Variants in ZNF462 observed in about 807,000 individuals in gnomAD.
ZNF462 encodes the protein zinc finger PBX1-interacting protein.
In ZNF462, 10 loss-of-function variants were observed where a neutral mutation model predicts 201.9. The ratio of observed to expected loss-of-function variants is 0.05; its 90% CI spans 0.03 to 0.08. The LOEUF is 0.08. Among genes scored for constraint, ZNF462 ranks in the 10% least tolerant of loss-of-function variants. The probability of loss-of-function intolerance (pLI) is 1.00; values close to 1 mark genes in which losing one functional copy is unlikely to be tolerated. For synonymous variants in ZNF462, 1,227 were observed against 1,193.3 expected (o/e 1.03, Z -0.58); for missense variants, 2,523 against 3,168.3 (o/e 0.80, Z 4.89).
At position 106,929,157 on chromosome 9, in the gene ZNF462, C is replaced by G. The variant is rs929720384; in HGVS notation, c.5245C>G (p.Pro1749Ala). The G allele has an allele frequency of 6.2e-7, 1 of 1,614,112 alleles. No homozygotes were observed. The highest frequency in any genetic ancestry group is 1.3e-5 in the African/African-American group (1 of 75,018). The change falls in exon 3 of 13, where the codon CCC (proline) becomes GCC (alanine). Residue 1749 changes from proline (P) to alanine (A), a missense_variant. Transcript: ENST00000277225. The surrounding 1 kb of genome is among the most constrained non-coding windows in gnomAD (Gnocchi z 8.7). ...CAACAAAGTGATCATCCCATCCCCGCCCAAGGACGACTCCCCTCAGCTGAG... is the reference window on the plus strand; with the variant it reads ...CAACAAAGTGATCATCCCATCCCCGGCCAAGGACGACTCCCCTCAGCTGAG... ...KPNKVIIPSP[P>A]KDDSPQLSEE...
chr9:106,878,167 CTGGGTCAAGCTCATAA>C (rs1827920828), intron 1 of ZNF462, among the ~76,000 whole-genome samples: 2 of 152,178 alleles, frequency 1.3e-5, no homozygotes, highest in Admixed American at 6.5e-5. Context: ...CTTTGTGAAC[CTGGGTCAAGCTCATAA>C]TGCTCCTCTG....
Position 106,934,817 on chromosome 9 carries a change from C to T in ZNF462, c.6117-686C>T, listed in dbSNP as rs552277683. Reference sequence around the variant, plus strand: ...TAATTATTATGAAGTACTAGGGGTTCGTTGTAATTAAATAACTCCCTTGTA... The same window carrying T: ...TAATTATTATGAAGTACTAGGGGTTTGTTGTAATTAAATAACTCCCTTGTA... On this transcript the variant is annotated intron_variant, in intron 5 of 12. Coordinates refer to ENST00000277225, the MANE Select transcript of ZNF462 (RefSeq NM_021224.6). Among the ~76,000 whole-genome samples the T allele has an allele frequency of 1.7e-4, 26 of 152,144 alleles. 1 individual carries two copies. Among genetic ancestry groups the T allele is most frequent in the South Asian group, 6.2e-4 (3 of 4,814 alleles).
chr9:106,971,964 T>C, intron 7 of ZNF462, 41 bp from the exon 8 acceptor site: 1 of 1,586,060 alleles, frequency 6.3e-7, no homozygotes, highest in Non-Finnish European at 8.6e-7. Flanking sequence ...TCACCTACTG[T>C]GTTCTCTGTG....
intron 1 of ZNF462, among the ~76,000 whole-genome samples, 170 bp downstream of exon 1, chr9:106,863,525 G>T (rs1051271548): frequency 6.7e-6 from 1 of 150,356 alleles, no homozygotes; most frequent in Non-Finnish European, 1.5e-5. Context: ...AGGAGAAGAA[G>T]CGAGAGAGAA....
rs536911279 is a variant in ZNF462, at chr9:106,968,924, C to T, written c.6428-3081C>T. Reference sequence around the variant, plus strand: ...TGGGCACAGAACGACCTCCTTCCTGCTCTTCAGGCCATGCTTCATGAACAA... The same window carrying T: ...TGGGCACAGAACGACCTCCTTCCTGTTCTTCAGGCCATGCTTCATGAACAA... On this transcript the variant is annotated intron_variant, in intron 7 of 12. Transcript: ENST00000277225. This position sits in a 1 kb window ranked among gnomAD's most constrained non-coding sequence, Gnocchi z 4.0. Among the ~76,000 whole-genome samples, 1 of 152,176 alleles carries T rather than the reference C, an allele frequency of 6.6e-6. No homozygotes were observed. Among genetic ancestry groups the T allele is most frequent in the South Asian group, 2.1e-4 (1 of 4,824 alleles).
In ZNF462 at chr9:106,924,098, T is replaced by G. The variant is rs1344597958; in HGVS notation, c.221-35T>G. 2.6e-6 allele frequency: 4 copies of G among 1,509,730 alleles called. No individual in the cohort carries two copies. Among genetic ancestry groups the G allele is most frequent in the Admixed American group, 2.1e-5 (1 of 48,774 alleles). 93.5% of individuals were successfully genotyped at this position (1,509,730 alleles called of 1,614,324 possible). On this transcript the variant is annotated intron_variant, in intron 2 of 12. Transcript: ENST00000277225. This position sits in a 1 kb window ranked among gnomAD's most constrained non-coding sequence, Gnocchi z 6.2. Reference sequence around the variant, plus strand: ...GCATGATTGGATATTTTAATTATCTTTTGCTTTGTCACTTTCCTTATGCTT... The same window carrying G: ...GCATGATTGGATATTTTAATTATCTGTTGCTTTGTCACTTTCCTTATGCTT...
rs75464231 is a variant in ZNF462, at chr9:106,977,604, C to T, written c.6832+3331C>T. On this transcript the variant is annotated intron_variant, in intron 9 of 12. Transcript: ENST00000277225. The surrounding 1 kb of genome is among the most constrained non-coding windows in gnomAD (Gnocchi z 4.6). ...TTCATTATTTGCTTGTTACGTGCCA[C>T]GCTATGCTTGGTTCTTTGGGCAAAA... Among the ~76,000 whole-genome samples, 283 of 151,676 alleles carry T rather than the reference C, an allele frequency of 1.9e-3. 2 individuals carry two copies. Among genetic ancestry groups the T allele is most frequent in the Non-Finnish European group, 3.3e-3 (223 of 68,028 alleles).
intron 7 of ZNF462, among the ~76,000 whole-genome samples, chr9:106,943,059 C>CGCGCGCGCGCGCGT (rs374167214): frequency 1.3e-4 from 18 of 143,150 alleles, no homozygotes; most frequent in African/African-American, 4.8e-4. Context: ...TTTGCGCGCG[C>CGCGCGCGCGCGCGT]GTGTGTGTGT....
chr9:106,997,673 T>A (rs975851242), intron 10 of ZNF462, among the ~76,000 whole-genome samples: 5 of 152,150 alleles, frequency 3.3e-5, no homozygotes, highest in African/African-American at 1.2e-4. Context: ...TTGCTGAATC[T>A]TTGTCCCACT....
chr9:106,888,122 A>G (rs1378372485), intron 1 of ZNF462, among the ~76,000 whole-genome samples: 1 of 151,764 alleles, frequency 6.6e-6, no homozygotes, highest in African/African-American at 2.4e-5. Flanking sequence ...GCTCACTGCA[A>G]GCTCCGCCTC....
chr9:107,009,800 G>T lies in ZNF462; in HGVS notation c.7313+132G>T. ...ACATTTCTGGGCCGTGGGAGGAGAGGCAATGGTGAGGAACCAAGTTTCTCC... is the reference window on the plus strand; with the variant it reads ...ACATTTCTGGGCCGTGGGAGGAGAGTCAATGGTGAGGAACCAAGTTTCTCC... On this transcript the variant is annotated intron_variant, in intron 12 of 12. Coordinates refer to ENST00000277225, the MANE Select transcript of ZNF462 (RefSeq NM_021224.6). The surrounding 1 kb of genome is among the most constrained non-coding windows in gnomAD (Gnocchi z 6.1). 7.6e-7 allele frequency: 1 copy of T among 1,310,720 alleles called. No individual in the cohort carries two copies. The highest frequency in any genetic ancestry group is 1.0e-6 in the Non-Finnish European group (1 of 971,704). The allele number at this position is 1,310,720 out of a possible 1,614,324, so 81.2% of individuals were successfully genotyped here.
chr9:106,924,072 TG>T lies in ZNF462; in HGVS notation c.221-60del. Reference sequence around the variant, plus strand: ...AAGAATAATTGGAATGGTACTGATTTGCATGATTGGATATTTTAATTATCTT... The same window carrying T: ...AAGAATAATTGGAATGGTACTGATTTCATGATTGGATATTTTAATTATCTT... On this transcript the variant is annotated intron_variant, in intron 2 of 12. Coordinates refer to ENST00000277225, the MANE Select transcript of ZNF462 (RefSeq NM_021224.6). The surrounding 1 kb of genome is among the most constrained non-coding windows in gnomAD (Gnocchi z 6.2). The T allele has an allele frequency of 7.3e-7, 1 of 1,379,050 alleles. No individual in the cohort carries two copies. The highest frequency in any genetic ancestry group is 9.9e-7 in the Non-Finnish European group (1 of 1,008,368). The allele number at this position is 1,379,050 out of a possible 1,614,324, so 85.4% of individuals were successfully genotyped here.
intron 7 of ZNF462, among the ~76,000 whole-genome samples, chr9:106,942,829 T>G (rs563094933): frequency 3.3e-5 from 5 of 152,324 alleles, no homozygotes; most frequent in African/African-American, 9.6e-5. Context: ...AAAATTCAAC[T>G]ATGTGTTTTA....
At chr9:106,863,020 GGAGA>G (rs147715802), upstream of ZNF462, 15 of 394,292 alleles carry the variant, frequency 3.8e-5, no homozygotes, top group South Asian at 5.6e-4. Flanking sequence ...ACAGAGGGAG[GGAGA>G]GAGAGAGAGC....
At chr9:106,971,426 T>G (rs1344907097) in intron 7 of ZNF462, among the ~76,000 whole-genome samples, 1 of 151,948 alleles carries the variant, frequency 6.6e-6, no homozygotes, top group African/African-American at 2.4e-5. Context: ...CTTCCTACAC[T>G]TTGAAACCTT....
chr9:106,969,522 G>A (rs1346953908), intron 7 of ZNF462, among the ~76,000 whole-genome samples: 3 of 152,136 alleles, frequency 2.0e-5, no homozygotes, highest in African/African-American at 7.2e-5. Flanking sequence ...GTGTTGAGTT[G>A]GGGGTGGATG....
intron 7 of ZNF462, among the ~76,000 whole-genome samples, chr9:106,969,657 A>G (rs1009842374): frequency 6.6e-5 from 10 of 152,156 alleles, no homozygotes; most frequent in African/African-American, 2.2e-4. Flanking sequence ...ACCAGCATTC[A>G]TACTAATCTG....
Position 106,993,701 on chromosome 9 carries a change from TATCAGTAATGCC to T in ZNF462, c.7056+9293_7056+9304del, listed in dbSNP as rs1287306275. Reference sequence around the variant, plus strand: ...CCCCCAACACACATAGTGAATTATTTATCAGTAATGCCCTTTATTAGCAATACTGTTGAAAGA... The same window carrying T: ...CCCCCAACACACATAGTGAATTATTTCTTTATTAGCAATACTGTTGAAAGA... On this transcript the variant is annotated intron_variant, in intron 10 of 12. Coordinates refer to ENST00000277225, the MANE Select transcript of ZNF462 (RefSeq NM_021224.6). The surrounding 1 kb of genome is among the most constrained non-coding windows in gnomAD (Gnocchi z 4.0). Among the ~76,000 whole-genome samples the T allele has an allele frequency of 6.6e-6, 1 of 151,210 alleles. No homozygotes were observed. The highest frequency in any genetic ancestry group is 2.4e-5 in the African/African-American group (1 of 41,138).
rs746630875 is a variant in ZNF462 at position 106,923,398 on chromosome 9, G to A, written c.15G>A (p.Gln5=). ...AGACCCAGATCATGGAGGTGCTTCAGTGTGATGGCTGTGATTTCCGAGCCC... is the reference window on the plus strand; with the variant it reads ...AGACCCAGATCATGGAGGTGCTTCAATGTGATGGCTGTGATTTCCGAGCCC... MEVL[Q]CDGCDFRAPS... is the part of the protein sequence containing the mutation. Residue 5 remains glutamine (Q), a synonymous_variant, in exon 2 of 13, where the codon CAG becomes CAA. Transcript: ENST00000277225. The surrounding 1 kb of genome is among the most constrained non-coding windows in gnomAD (Gnocchi z 5.6). 6.2e-7 allele frequency: 1 copy of A among 1,614,184 alleles called. No homozygotes were observed. Among genetic ancestry groups the A allele is most frequent in the South Asian group, 1.1e-5 (1 of 91,082 alleles).
Sources: allele counts gnomAD v4.1 joint callset (sites outside exome capture counted in the v4.1 genomes callset), GRCh38; gene constraint gnomAD v4.1.1; non-coding constraint Gnocchi (gnomAD v3.1); transcripts MANE v1.5; gene names NCBI Gene and HGNC (gene_info 2026-07-23, HGNC 2026-07-21).